Variants in DMD observed in about 807,000 individuals in gnomAD.
DMD encodes the protein mutant dystrophin.
Under a neutral mutation model 330.1 loss-of-function variants are expected in DMD, and 63 were observed. The ratio of observed to expected loss-of-function variants is 0.19; its 90% CI spans 0.16 to 0.24. The LOEUF (loss-of-function observed/expected upper bound fraction) is 0.24, where lower values mean the gene tolerates loss of function less well. DMD is among the 10% of genes least tolerant of loss of function. The probability of loss-of-function intolerance (pLI) is 1.00; values close to 1 mark genes in which losing one functional copy is unlikely to be tolerated. For missense variants in DMD, 3,344 were observed against 2,684.1 expected, an observed-to-expected ratio of 1.25 and a Z score of -5.43; for synonymous variants, 1,223 against 959.8, an observed-to-expected ratio of 1.27 and a Z score of -5.07.
intron 4 of DMD, among the ~76,000 whole-genome samples, chrX:32,828,343 C>T (rs1324860596): frequency 9.0e-6 from 1 of 110,763 alleles, no homozygotes; most frequent in African/African-American, 3.3e-5. Context: ...TTCCCACCAG[C>T]AGTCACCACA....
chrX:32,952,827 T>C (rs2091326954), intron 2 of DMD, among the ~76,000 whole-genome samples: 3 of 110,730 alleles, frequency 2.7e-5, no homozygotes, highest in Non-Finnish European at 5.7e-5. Flanking sequence ...TAGTAGAGCT[T>C]CCAAATTCAA....
At chrX:31,751,380 C>T (rs1243396292) in intron 51 of DMD, among the ~76,000 whole-genome samples, 4 of 111,654 alleles carry the variant, frequency 3.6e-5, no homozygotes, top group African/African-American at 1.3e-4. Flanking sequence ...GCCTCTGTGA[C>T]TCTGGTTCTC....
chrX:31,121,980 A>C (rs775505897), intron 78 of DMD, 50 bp from the exon 79 acceptor site: 7 of 935,017 alleles, frequency 7.5e-6, no homozygotes, highest in Admixed American at 4.4e-5. Flanking sequence ...GTGCAGATAG[A>C]TAGCATCACT....
chrX:32,710,051 AG>A (rs1039004879), intron 7 of DMD, among the ~76,000 whole-genome samples: 6 of 111,872 alleles, frequency 5.4e-5, no homozygotes, highest in Non-Finnish European at 1.1e-4. Context: ...GCACATAGCA[AG>A]GAACAGGAGC....
intron 26 of DMD, among the ~76,000 whole-genome samples, 197 bp from the exon 27 acceptor site, chrX:32,448,835 A>G (rs995861586): frequency 1.8e-5 from 2 of 111,229 alleles, no homozygotes; most frequent in African/African-American, 6.5e-5. Flanking sequence ...ATAATTTATT[A>G]TAAGAATACA....
intron 44 of DMD, among the ~76,000 whole-genome samples, chrX:32,201,485 A>G (rs1230086657): frequency 1.9e-5 from 1 of 53,081 alleles, no homozygotes; most frequent in East Asian, 5.1e-4. Context: ...CCCCCCCCCA[A>G]CAAGGAGGCC....
intron 44 of DMD, among the ~76,000 whole-genome samples, chrX:32,133,008 T>C (rs200637121): frequency 2.0e-3 from 80 of 39,614 alleles, no homozygotes; most frequent in East Asian, 4.9e-3. Flanking sequence ...TTTTTTTTTT[T>C]TTTTTTTTTT....
intron 2 of DMD, among the ~76,000 whole-genome samples, chrX:33,001,261 C>T (rs1008211903): frequency 9.0e-6 from 1 of 111,706 alleles, no homozygotes; most frequent in Non-Finnish European, 1.9e-5. Flanking sequence ...AGAATGGGCA[C>T]ACTGAGTTAT....
intron 41 of DMD, among the ~76,000 whole-genome samples, chrX:32,335,872 G>GTATAACATGTTATA (rs902384794): frequency 1.9e-5 from 2 of 103,493 alleles, no homozygotes; most frequent in Admixed American, 2.1e-4. Context: ...CGTTATATGT[G>GTATAACATGTTATA]TATAACATGT....
intron 17 of DMD, among the ~76,000 whole-genome samples, chrX:32,539,935 G>A (rs958145859): frequency 9.0e-6 from 1 of 111,584 alleles, no homozygotes; most frequent in Admixed American, 9.5e-5. Flanking sequence ...GTGAACTGAG[G>A]CATTTCAAAA....
intron 30 of DMD, among the ~76,000 whole-genome samples, chrX:32,392,080 C>T (rs964813149): frequency 1.3e-4 from 14 of 111,311 alleles, no homozygotes; most frequent in South Asian, 3.8e-4. Context: ...GTGAGTGCTT[C>T]GAATTGTGTC....
chrX:32,721,317 C>T (rs376131259), intron 7 of DMD, among the ~76,000 whole-genome samples: 3 of 110,140 alleles, frequency 2.7e-5, no homozygotes, highest in African/African-American at 6.6e-5. Context: ...TAATTTACAC[C>T]GACACCAGCA....
At chrX:32,912,558 G>C (rs1438126855) in intron 2 of DMD, among the ~76,000 whole-genome samples, 1 of 111,828 alleles carries the variant, frequency 8.9e-6, no homozygotes, top group African/African-American at 3.3e-5. Flanking sequence ...TAAATAAATT[G>C]TGGGTTATTT....
intron 44 of DMD, among the ~76,000 whole-genome samples, chrX:32,103,245 G>A (rs762178646): frequency 9.0e-6 from 1 of 111,596 alleles, no homozygotes; most frequent in Non-Finnish European, 1.9e-5. Context: ...ATAATCATAC[G>A]CAGATATGAG....
intron 47 of DMD, among the ~76,000 whole-genome samples, chrX:31,891,052 C>G (rs1423349876): frequency 1.8e-5 from 2 of 111,550 alleles, no homozygotes; most frequent in African/African-American, 6.5e-5. Context: ...ACATGGCTAA[C>G]AAAGAAGAAA....
intron 7 of DMD, among the ~76,000 whole-genome samples, chrX:32,746,278 GAC>G (rs1412950794): frequency 8.9e-6 from 1 of 112,127 alleles, no homozygotes; most frequent in Non-Finnish European, 1.9e-5. Context: ...AAGAATCATA[GAC>G]ATACTTCAAG....
intron 34 of DMD, among the ~76,000 whole-genome samples, chrX:32,373,498 A>C (rs927401881): frequency 2.7e-5 from 3 of 111,839 alleles, no homozygotes; most frequent in Admixed American, 9.6e-5. Flanking sequence ...AAAAGCAGCC[A>C]GAAAAAATAA....
At chrX:31,931,123 C>T (rs2094846853) in intron 46 of DMD, among the ~76,000 whole-genome samples, 1 of 111,334 alleles carries the variant, frequency 9.0e-6, no homozygotes, top group African/African-American at 3.3e-5. Flanking sequence ...TTTCATTTCC[C>T]TTTGATTATG....
intron 45 of DMD, among the ~76,000 whole-genome samples, chrX:31,967,317 T>C (rs1274335465): frequency 2.0e-5 from 2 of 100,831 alleles, no homozygotes; most frequent in East Asian, 6.6e-4. Context: ...TGTGTGTGTG[T>C]GTGTGTGTGT....
Sources: allele counts gnomAD v4.1 joint callset (sites outside exome capture counted in the v4.1 genomes callset), GRCh38; gene constraint gnomAD v4.1.1; transcripts MANE v1.5; gene names NCBI Gene and HGNC (gene_info 2026-07-23, HGNC 2026-07-21).